The following EGFR variants were observed in gnomAD, a reference collection of about 807,000 sequenced individuals.
EGFR encodes the protein epidermal growth factor receptor.
EGFR carries 58 observed loss-of-function variants against 143.0 expected under a neutral mutation model. The observed-to-expected ratio is 0.41, with a 90% CI of 0.33 to 0.50. The LOEUF (loss-of-function observed/expected upper bound fraction) is 0.50, where lower values mean the gene tolerates loss of function less well. Among genes scored for constraint, EGFR ranks in the 20% least tolerant of loss-of-function variants. EGFR has a pLI of 0.39. For synonymous variants in EGFR, 613 were observed against 594.4 expected (o/e 1.03, Z -0.45); for missense variants, 1,307 against 1,579.0 (o/e 0.83, Z 2.92).
intron 1 of EGFR, among the ~76,000 whole-genome samples, chr7:55,135,925 A>AT (rs1379329453): frequency 1.3e-5 from 2 of 151,922 alleles, no homozygotes; most frequent in Non-Finnish European, 1.5e-5. Flanking sequence ...ATTTTTGGTA[A>AT]TTTTTTAGCA....
chr7:55,078,382 C>T (rs1019917907), intron 1 of EGFR, among the ~76,000 whole-genome samples: 1 of 152,172 alleles, frequency 6.6e-6, no homozygotes, highest in Non-Finnish European at 1.5e-5. Flanking sequence ...GCCCCATCCC[C>T]AGGGTACCAC....
intron 1 of EGFR, among the ~76,000 whole-genome samples, chr7:55,027,999 T>A (rs1024747): frequency 1.9e-5 from 2 of 103,706 alleles, no homozygotes; most frequent in African/African-American, 9.1e-5. Context: ...AAAATATATA[T>A]ATATATATAT....
intron 1 of EGFR, among the ~76,000 whole-genome samples, chr7:55,097,232 C>T (rs1460302764): frequency 6.8e-6 from 1 of 147,876 alleles, no homozygotes; most frequent in East Asian, 2.0e-4. Flanking sequence ...TGCACTTCTT[C>T]AAGGCAGTAC....
intron 24 of EGFR, among the ~76,000 whole-genome samples, 198 bp from the exon 25 acceptor site, chr7:55,200,990 G>T (rs1306053187): frequency 2.0e-5 from 3 of 152,152 alleles, no homozygotes; most frequent in Admixed American, 1.3e-4. Context: ...TCAAAGGATG[G>T]TTCATGTTTT....
At chr7:55,044,470 G>A (rs1788075598) in intron 1 of EGFR, among the ~76,000 whole-genome samples, 1 of 152,248 alleles carries the variant, frequency 6.6e-6, no homozygotes, top group South Asian at 2.1e-4. Context: ...GCCAGGCAGA[G>A]GTCACTACGG....
At chr7:55,043,067 G>A (rs1392260799) in intron 1 of EGFR, among the ~76,000 whole-genome samples, 1 of 152,054 alleles carries the variant, frequency 6.6e-6, no homozygotes, top group African/African-American at 2.4e-5. Context: ...ATGACTGTCT[G>A]CTATGTTCAA....
intron 1 of EGFR, among the ~76,000 whole-genome samples, chr7:55,071,627 T>C (rs2128884139): frequency 6.6e-6 from 1 of 152,328 alleles, no homozygotes; most frequent in South Asian, 2.1e-4. Flanking sequence ...CTAGGCAGTC[T>C]TACCAGGATG....
intron 1 of EGFR, among the ~76,000 whole-genome samples, chr7:55,074,145 A>T (rs1247362679): frequency 6.6e-6 from 1 of 152,166 alleles, no homozygotes; most frequent in Non-Finnish European, 1.5e-5. Context: ...GGCTCATTCT[A>T]AGGTACACGC....
In EGFR at chr7:55,067,063, T is replaced by C. The variant is rs932216623; in HGVS notation, c.88+47698T>C. 5.4e-4 allele frequency among the ~76,000 whole-genome samples: 82 copies of C among 152,324 alleles called. 1 individual carries two copies. Among genetic ancestry groups the C allele is most frequent in the African/African-American group, 1.9e-3 (80 of 41,570 alleles). ...AGTCCTGCATCCTCGGCTCCTCACC[T>C]GCCTGGTGGGACAGTGACATCTCTC... On this transcript the variant is annotated intron_variant, in intron 1 of 27. Coordinates refer to ENST00000275493, the MANE Select transcript of EGFR (RefSeq NM_005228.5).
chr7:55,174,534 A>C (rs921327285), intron 18 of EGFR, among the ~76,000 whole-genome samples, 188 bp from the exon 19 acceptor site: 1 of 152,232 alleles, frequency 6.6e-6, no homozygotes, highest in Non-Finnish European at 1.5e-5. Context: ...TGATTCGTGG[A>C]GCCCAACAGC....
chr7:55,183,563 A>G (rs1786991037), intron 20 of EGFR, among the ~76,000 whole-genome samples: 1 of 152,182 alleles, frequency 6.6e-6, no homozygotes, highest in Non-Finnish European at 1.5e-5. Flanking sequence ...AGCCTGGGGC[A>G]GATGTTGCTG....
chr7:55,156,908 G>T (rs1442973999), intron 10 of EGFR, 76 bp downstream of exon 10: 19 of 1,603,656 alleles, frequency 1.2e-5, no homozygotes, highest in Non-Finnish European at 1.5e-5. Context: ...CATATTTCCT[G>T]TTCCCTTGGA....
intron 7 of EGFR, among the ~76,000 whole-genome samples, 157 bp downstream of exon 7, chr7:55,154,309 G>A (rs1785304284): frequency 1.3e-5 from 2 of 152,240 alleles, no homozygotes; most frequent in East Asian, 1.9e-4. Flanking sequence ...GCACACAGGC[G>A]AGGGGAGGGG....
At chr7:55,085,358 G>T (rs185689242) in intron 1 of EGFR, among the ~76,000 whole-genome samples, 2 of 152,284 alleles carry the variant, frequency 1.3e-5, no homozygotes, top group East Asian at 3.9e-4. Flanking sequence ...TTCATCATTT[G>T]CATGTGTCTC....
chr7:55,033,899 A>G (rs11980828), intron 1 of EGFR, among the ~76,000 whole-genome samples: 1,795 of 152,142 alleles, frequency 0.012, 38 homozygotes, highest in African/African-American at 0.041. Context: ...TCTTCATTTC[A>G]CTTCAGAAAC....
intron 3 of EGFR, among the ~76,000 whole-genome samples, chr7:55,144,629 C>A (rs1039063563): frequency 2.6e-5 from 4 of 152,162 alleles, no homozygotes; most frequent in African/African-American, 9.7e-5. Context: ...TTGTGTGGTT[C>A]CCCCACACCC....
chr7:55,055,191 A>G (rs1788735599), intron 1 of EGFR, among the ~76,000 whole-genome samples: 1 of 152,230 alleles, frequency 6.6e-6, no homozygotes, highest in Non-Finnish European at 1.5e-5. Flanking sequence ...GAGTCTCTCT[A>G]TAGTGCTGCT....
In EGFR at chr7:55,207,350, A is replaced by G. The variant is rs552005129; in HGVS notation, c.*1733A>G. On this transcript the variant is annotated 3_prime_UTR_variant, in exon 28 of 28. Transcript: ENST00000275493. ...TCATTTCCACTCTATTATGCTCTCA[A>G]ATACCCCTAAGCATCTATACTAGCC... 2 of 228,422 alleles carry G rather than the reference A, an allele frequency of 8.8e-6. No individual in the cohort carries two copies. Among genetic ancestry groups the G allele is most frequent in the South Asian group, 1.8e-4 (1 of 5,504 alleles). 14.1% of individuals were successfully genotyped at this position (228,422 alleles called of 1,614,324 possible).
At chr7:55,160,411 A>G in intron 12 of EGFR, 73 bp downstream of exon 12, 1 of 1,457,880 alleles carries the variant, frequency 6.9e-7, no homozygotes, top group East Asian at 2.3e-5. Flanking sequence ...AGAATATTGA[A>G]GGGCTATTCC....
Sources: gnomAD v4.1 joint callset for allele counts (sites outside exome capture counted in the v4.1 genomes callset) on GRCh38, gnomAD v4.1.1 for gene constraint, MANE v1.5 for transcripts, NCBI Gene and HGNC (gene_info 2026-07-23, HGNC 2026-07-21) for gene names.